VCL: variants seen among roughly 807,000 people sequenced by gnomAD.
VCL encodes the protein vinculin.
A neutral mutation model predicts 125.7 loss-of-function variants in VCL; 47 were observed. The ratio of observed to expected loss-of-function variants is 0.37; its 90% CI spans 0.30 to 0.48. The LOEUF (loss-of-function observed/expected upper bound fraction) is 0.48. Ranked by LOEUF, VCL falls within the 20% of genes least tolerant of loss-of-function variation. The probability of loss-of-function intolerance (pLI) is 0.99; values close to 1 mark genes in which losing one functional copy is unlikely to be tolerated. For synonymous variants in VCL, 458 were observed against 514.6 expected (o/e 0.89, Z 1.49); for missense variants, 1,069 against 1,455.5 (o/e 0.73, Z 4.32).
downstream of VCL, chr10:74,120,345 T>TACAAG (rs750617799): frequency 3.3e-5 from 5 of 152,316 alleles, no homozygotes; most frequent in East Asian, 9.6e-4. Flanking sequence ...ATGTGTGTAA[T>TACAAG]ACAAGACAAC....
Position 74,105,141 on chromosome 10 carries a change from T to C in VCL, c.2222T>C (p.Met741Thr), listed in dbSNP as rs1840111306. Reference protein sequence around the residue: ...KKDLDKCKVAMANIQPQMLVA... With the variant: ...KKDLDKCKVATANIQPQMLVA... ...GACCTGGACAAGTGCAAGGTAGCTATGGCCAACATTCAGCCTCAGATGCTG... is the reference window on the plus strand; with the variant it reads ...GACCTGGACAAGTGCAAGGTAGCTACGGCCAACATTCAGCCTCAGATGCTG... Residue 741 changes from methionine (M) to threonine (T), a missense_variant, in exon 16 of 22, where the codon ATG becomes ACG. Met to Thr is a moderately conservative substitution (Grantham distance 81). Around this residue, in one of 6 missense-constraint regions of VCL, gnomAD observed 760 missense variants for 928.9 expected, o/e 0.82. Transcript: ENST00000211998. The C allele has an allele frequency of 6.2e-7, 1 of 1,614,214 alleles. No individual in the cohort carries two copies. The highest frequency in any genetic ancestry group is 1.3e-5 in the African/African-American group (1 of 75,046).
In VCL at chr10:74,074,796, G is replaced by A. The variant is rs146910007; in HGVS notation, c.676G>A (p.Ala226Thr). The A allele has an allele frequency of 1.9e-6, 3 of 1,613,970 alleles. No individual in the cohort carries two copies. The African/African-American group carries it at 4.0e-5, about 22-fold the overall frequency. The change falls in exon 6 of 22, where the codon GCT becomes ACT. Residue 226 changes from alanine to threonine, a missense_variant. Coordinates refer to ENST00000211998, the MANE Select transcript of VCL (RefSeq NM_014000.3). ...CTCAAAAAACCAAGGCATAGAGGAA[G>A]CTTTAAAAAATCGCAATTTTACTGT... Reference protein sequence around the residue: ...KNSKNQGIEEALKNRNFTVEK... With the variant: ...KNSKNQGIEETLKNRNFTVEK...
intron 10 of VCL, among the ~76,000 whole-genome samples, chr10:74,090,524 C>CCTAT (rs1564528457): frequency 6.6e-6 from 1 of 152,116 alleles, no homozygotes; most frequent in Non-Finnish European, 1.5e-5. Context: ...ATGTTTATGA[C>CCTAT]CTATCTGTTT....
At chr10:74,015,097 G>A (rs994589754) in intron 1 of VCL, among the ~76,000 whole-genome samples, 5 of 152,218 alleles carry the variant, frequency 3.3e-5, no homozygotes, top group African/African-American at 1.2e-4. Flanking sequence ...AAATATAGGA[G>A]TAATAGAGTT....
At position 74,112,126 on chromosome 10, in the gene VCL, C is replaced by A. The variant is rs767143952; in HGVS notation, c.2949+14C>A. On this transcript the variant is annotated intron_variant, in intron 19 of 21. Transcript: ENST00000211998. ...TGGTCTAGTAAGGTACTGATAAGCACCCCCAGTTGGGGGCTGCTCCATATG... is the reference window on the plus strand; with the variant it reads ...TGGTCTAGTAAGGTACTGATAAGCAACCCCAGTTGGGGGCTGCTCCATATG... 2 of 1,613,960 alleles carry A rather than the reference C, an allele frequency of 1.2e-6. No individual in the cohort carries two copies. Among genetic ancestry groups the A allele is most frequent in the Admixed American group, 3.3e-5 (2 of 60,000 alleles).
At position 73,998,261 on chromosome 10, in the gene VCL, G is replaced by A; in HGVS notation, c.54G>A (p.Gln18=). The change falls in exon 1 of 22, where the codon CAG becomes CAA. Residue 18 remains glutamine, a synonymous_variant. Transcript: ENST00000211998. ...TIESILEPVA[Q]QISHLVIMHE... The stretch of plus-strand genomic sequence containing the variant: ...AGAGCATCCTGGAGCCGGTGGCACA[G>A]CAGATCTCCCACCTGGTGATAATGC... The A allele has an allele frequency of 1.9e-6, 3 of 1,612,474 alleles. No homozygotes were observed. Among genetic ancestry groups the A allele is most frequent in the Non-Finnish European group, 2.5e-6 (3 of 1,179,262 alleles).
intron 1 of VCL, among the ~76,000 whole-genome samples, chr10:74,033,405 T>A (rs770724497): frequency 3.3e-5 from 5 of 152,200 alleles, no homozygotes; most frequent in Admixed American, 2.6e-4. Flanking sequence ...ACTAGGTCTC[T>A]TTCTGGAGTG....
chr10:74,022,648 T>A (rs1393438394), intron 1 of VCL, among the ~76,000 whole-genome samples: 1 of 151,752 alleles, frequency 6.6e-6, no homozygotes, highest in East Asian at 1.9e-4. Context: ...GTCTTTTTTT[T>A]TTTTTGAGAC....
chr10:74,030,500 A>G (rs1294483068), intron 1 of VCL, among the ~76,000 whole-genome samples: 1 of 152,220 alleles, frequency 6.6e-6, no homozygotes, highest in African/African-American at 2.4e-5. Flanking sequence ...AGAGGAGTTT[A>G]TGCATAAGGA....
rs778137720 is a variant in VCL at position 74,090,009 on chromosome 10, G to A, written c.1177-14G>A. Reference sequence around the variant, plus strand: ...GTAGATCACAGCGTGCTGCTTCTCCGTTTCTATGTGTAGAACTGGCTTGCA... The same window carrying A: ...GTAGATCACAGCGTGCTGCTTCTCCATTTCTATGTGTAGAACTGGCTTGCA... On this transcript the variant is annotated splice_polypyrimidine_tract_variant and intron_variant, in intron 9 of 21. Coordinates refer to ENST00000211998, the MANE Select transcript of VCL (RefSeq NM_014000.3). The A allele has an allele frequency of 3.5e-5, 56 of 1,614,004 alleles. No individual in the cohort carries two copies. The highest frequency in any genetic ancestry group is 4.2e-5 in the Non-Finnish European group (49 of 1,180,028).
intron 5 of VCL, 106 bp from the exon 6 acceptor site, chr10:74,074,637 G>C: frequency 7.8e-7 from 1 of 1,289,458 alleles, no homozygotes; most frequent in Non-Finnish European, 1.1e-6. Context: ...ACTCATTTTA[G>C]GATCTTAAAA....
chr10:74,007,729 C>A (rs190920884), intron 1 of VCL, among the ~76,000 whole-genome samples: 202 of 152,186 alleles, frequency 1.3e-3, no homozygotes, highest in Non-Finnish European at 2.1e-3. Flanking sequence ...CTCCTGACCT[C>A]AAGTGATCCA....
At chr10:74,020,840 C>CA (rs567412270) in intron 1 of VCL, among the ~76,000 whole-genome samples, 1,185 of 66,676 alleles carry the variant, frequency 0.018, 47 homozygotes, top group South Asian at 0.024. Context: ...GACCTTGTCT[C>CA]AAAAAAAAAA....
At chr10:74,039,933 A>G (rs903128539) in intron 1 of VCL, among the ~76,000 whole-genome samples, 14 of 152,106 alleles carry the variant, frequency 9.2e-5, no homozygotes, top group African/African-American at 3.4e-4. Flanking sequence ...TTACCACACC[A>G]TACTTCCCTC....
At chr10:74,005,880 T>C (rs1243324483) in intron 1 of VCL, among the ~76,000 whole-genome samples, 2 of 152,038 alleles carry the variant, frequency 1.3e-5, no homozygotes, top group Non-Finnish European at 2.9e-5. Context: ...TTTTTTATTT[T>C]TATTTTTATT....
Position 74,109,753 on chromosome 10 carries a change from C to T in VCL, c.2745+597C>T, listed in dbSNP as rs572744547. On this transcript the variant is annotated intron_variant, in intron 18 of 21. Coordinates refer to ENST00000211998, the MANE Select transcript of VCL (RefSeq NM_014000.3). ...AAATATGGATGCTACAGCAGTCTTG[C>T]CCTATGAATAACTTTTGCCTATTTT... Among the ~76,000 whole-genome samples, 3 of 152,158 alleles carry T rather than the reference C, an allele frequency of 2.0e-5. No homozygotes were observed. In the South Asian group the frequency reaches 6.2e-4, roughly 32 times the overall value.
At chr10:74,034,437 A>T (rs1166964596) in intron 1 of VCL, among the ~76,000 whole-genome samples, 2 of 152,072 alleles carry the variant, frequency 1.3e-5, no homozygotes. Flanking sequence ...CTTCTGGAGA[A>T]CTCTTATTCT....
At chr10:74,029,477 T>TTCATAAATGGGGATCTGGTGA (rs1840834452) in intron 1 of VCL, among the ~76,000 whole-genome samples, 4 of 152,208 alleles carry the variant, frequency 2.6e-5, no homozygotes. Context: ...TCATGGTATC[T>TTCATAAATGGGGATCTGGTGA]TCATAAATGG....
intron 6 of VCL, 98 bp from the exon 7 acceptor site, chr10:74,082,356 C>A: frequency 7.8e-7 from 1 of 1,283,714 alleles, no homozygotes; most frequent in Non-Finnish European, 1.1e-6. Context: ...ACTACCTTAG[C>A]TATGTATGTT....
Sources: gnomAD v4.1 joint callset for allele counts (sites outside exome capture counted in the v4.1 genomes callset) on GRCh38, gnomAD v4.1.1 for gene constraint, gnomAD v4.1.1 regional missense constraint, MANE v1.5 for transcripts, NCBI Gene and HGNC (gene_info 2026-07-23, HGNC 2026-07-21) for gene names.